UNC13C: variants seen among roughly 807,000 people sequenced by gnomAD.
UNC13C encodes protein unc-13 homolog C.
Under a neutral mutation model 245.4 loss-of-function variants are expected in UNC13C, and 174 were observed. The ratio of observed to expected loss-of-function variants is 0.71; its 90% CI spans 0.63 to 0.80. The LOEUF (loss-of-function observed/expected upper bound fraction) is 0.80. UNC13C is among the 30% of genes least tolerant of loss of function. The pLI is 0.00. For synonymous variants in UNC13C, 992 were observed against 895.1 expected, an observed-to-expected ratio of 1.11 and a Z score of -1.93; for missense variants, 2,829 against 2,602.9, an observed-to-expected ratio of 1.09 and a Z score of -1.89.
intron 4 of UNC13C, among the ~76,000 whole-genome samples, chr15:54,230,211 T>G (rs1227624161): frequency 6.6e-6 from 1 of 152,170 alleles, no homozygotes; most frequent in Non-Finnish European, 1.5e-5. Flanking sequence ...CCAACAACAA[T>G]GTGCAAAGGT....
chr15:54,105,519 C>G (rs961684845), intron 2 of UNC13C, among the ~76,000 whole-genome samples: 3 of 152,090 alleles, frequency 2.0e-5, no homozygotes, highest in Admixed American at 2.0e-4. Context: ...TCACAACAGG[C>G]AGAAGAAATT....
the UNC13C span, among the ~76,000 whole-genome samples, chr15:53,922,845 T>C: frequency 1.3e-5 from 2 of 152,148 alleles, no homozygotes; most frequent in Admixed American, 1.3e-4. Flanking sequence ...ACCAGAAAAG[T>C]TGGATTGAAC....
At chr15:54,323,193 TAA>T (rs1246707904) in intron 14 of UNC13C, among the ~76,000 whole-genome samples, 3 of 151,990 alleles carry the variant, frequency 2.0e-5, no homozygotes, top group African/African-American at 7.2e-5. Flanking sequence ...ACACAGCAAA[TAA>T]AAGAGTGAAA....
chr15:54,531,018 A>C (rs1895714273), intron 25 of UNC13C, among the ~76,000 whole-genome samples: 1 of 152,184 alleles, frequency 6.6e-6, no homozygotes, highest in Non-Finnish European at 1.5e-5. Context: ...GCACAGGTTC[A>C]AGTGGGAGGA....
the UNC13C span, among the ~76,000 whole-genome samples, chr15:53,871,983 A>T: frequency 6.6e-6 from 1 of 152,206 alleles, no homozygotes. Context: ...CAGTGTGTGT[A>T]TGGAGATGAT....
At chr15:53,865,443 AC>A in the UNC13C span, among the ~76,000 whole-genome samples, 1 of 152,054 alleles carries the variant, frequency 6.6e-6, no homozygotes, top group African/African-American at 2.4e-5. Context: ...GTCCGACTTG[AC>A]CTTTTTTGTG....
At chr15:54,342,965 G>T (rs1223564749) in intron 17 of UNC13C, among the ~76,000 whole-genome samples, 1 of 152,064 alleles carries the variant, frequency 6.6e-6, no homozygotes, top group East Asian at 1.9e-4. Context: ...GTGCTCACTT[G>T]TACTTTCCCA....
the UNC13C span, among the ~76,000 whole-genome samples, chr15:53,850,543 C>T: frequency 1.9e-3 from 292 of 152,192 alleles, no homozygotes; most frequent in Non-Finnish European, 3.3e-3. Flanking sequence ...ATTTCTGATA[C>T]GAATCTGCAA....
At chr15:54,458,499 C>T (rs772347634) in intron 19 of UNC13C, among the ~76,000 whole-genome samples, 1 of 151,794 alleles carries the variant, frequency 6.6e-6, no homozygotes, top group Non-Finnish European at 1.5e-5. Context: ...TTGAAATCTC[C>T]TACTTTTATT....
chr15:54,184,486 C>A (rs2033906304), intron 4 of UNC13C, among the ~76,000 whole-genome samples: 1 of 152,064 alleles, frequency 6.6e-6, no homozygotes, highest in Non-Finnish European at 1.5e-5. Context: ...TCTCTTCGAT[C>A]AATTCCCACC....
chr15:54,088,792 T>C (rs1371065309), intron 2 of UNC13C, among the ~76,000 whole-genome samples: 1 of 152,202 alleles, frequency 6.6e-6, no homozygotes, highest in Non-Finnish European at 1.5e-5. Flanking sequence ...AAGTAATAAA[T>C]GGGGATTTAA....
At chr15:53,894,821 A>G in the UNC13C span, among the ~76,000 whole-genome samples, 1 of 152,108 alleles carries the variant, frequency 6.6e-6, no homozygotes, top group Non-Finnish European at 1.5e-5. Flanking sequence ...AACTTTTGAT[A>G]TTTACAAAAG....
At chr15:54,544,243 A>G (rs559853062) in intron 26 of UNC13C, among the ~76,000 whole-genome samples, 3 of 152,308 alleles carry the variant, frequency 2.0e-5, no homozygotes, top group Admixed American at 2.0e-4. Flanking sequence ...AAAATTCAAC[A>G]GCCCTTGATG....
At chr15:53,850,869 AC>A in the UNC13C span, among the ~76,000 whole-genome samples, 1 of 145,854 alleles carries the variant, frequency 6.9e-6, no homozygotes, top group African/African-American at 2.5e-5. Context: ...ATTTTTTCCA[AC>A]CTTTTTTTTT....
intron 19 of UNC13C, among the ~76,000 whole-genome samples, chr15:54,477,457 G>C (rs1357834740): frequency 5.0e-4 from 51 of 101,322 alleles, no homozygotes; most frequent in South Asian, 1.5e-3. Context: ...GTCATAGATA[G>C]CTCTTATTAT....
chr15:54,097,430 G>A (rs139234425), intron 2 of UNC13C, among the ~76,000 whole-genome samples: 85 of 152,262 alleles, frequency 5.6e-4, no homozygotes, highest in African/African-American at 1.9e-3. Flanking sequence ...ACTTGAGACA[G>A]CTCTTTCTAA....
intron 19 of UNC13C, among the ~76,000 whole-genome samples, chr15:54,470,126 C>T (rs1434787259): frequency 2.0e-5 from 3 of 151,484 alleles, no homozygotes; most frequent in Non-Finnish European, 4.4e-5. Context: ...TCATGGTGTT[C>T]ATTCTTTTTA....
intron 30 of UNC13C, among the ~76,000 whole-genome samples, chr15:54,614,798 T>C (rs973629103): frequency 6.6e-6 from 1 of 152,022 alleles, no homozygotes; most frequent in African/African-American, 2.4e-5. Context: ...CATCCAGATA[T>C]ATGCTGGTAT....
In UNC13C at chr15:54,626,998, T is replaced by C; in HGVS notation, c.6530T>C (p.Met2177Thr). 2 of 1,613,414 alleles carry C rather than the reference T, an allele frequency of 1.2e-6. No individual in the cohort carries two copies. The highest frequency in any genetic ancestry group is 1.3e-5 in the African/African-American group (1 of 75,002). The change falls in exon 33 of 33, where the codon ATG becomes ACG. Residue 2177 changes from methionine to threonine, a missense_variant. Coordinates refer to ENST00000260323, the MANE Select transcript of UNC13C (RefSeq NM_001080534.3). ...TATCCTCTTCTGAAAAATATCTCTA[T>C]GGATGAAACTGGTTTGACTATCCTT... ...AWYPLLKNIS[M>T]DETGLTILRI...
Sources: allele counts gnomAD v4.1 joint callset (sites outside exome capture counted in the v4.1 genomes callset), GRCh38; gene constraint gnomAD v4.1.1; transcripts MANE v1.5; gene names NCBI Gene and HGNC (gene_info 2026-07-23, HGNC 2026-07-21).